Variants in ZNF704 observed in about 807,000 individuals in gnomAD.
ZNF704 encodes the protein zinc finger protein 704.
A neutral mutation model predicts 44.7 loss-of-function variants in ZNF704; 10 were observed. The ratio of observed to expected loss-of-function variants is 0.22; its 90% CI spans 0.14 to 0.38. ZNF704 has a LOEUF of 0.38. Among genes scored for constraint, ZNF704 ranks in the 10% least tolerant of loss-of-function variants. The pLI is 1.00. For missense variants in ZNF704, 390 were observed against 545.5 expected, an observed-to-expected ratio of 0.71 and a Z score of 2.84; for synonymous variants, 211 against 207.6, an observed-to-expected ratio of 1.02 and a Z score of -0.14.
intron 5 of ZNF704, among the ~76,000 whole-genome samples, chr8:80,667,445 G>A (rs546354082): frequency 3.9e-5 from 6 of 152,198 alleles, no homozygotes; most frequent in Non-Finnish European, 7.3e-5. Context: ...GGGCTGAGAC[G>A]TTAAGTCCTG....
intron 2 of ZNF704, among the ~76,000 whole-genome samples, chr8:80,722,708 CCT>C (rs1806393722): frequency 6.6e-6 from 1 of 152,160 alleles, no homozygotes; most frequent in African/African-American, 2.4e-5. Flanking sequence ...TTTTTAGACT[CCT>C]CAACTTCTAT....
chr8:80,816,156 T>G (rs574486658), intron 2 of ZNF704, among the ~76,000 whole-genome samples: 2 of 152,354 alleles, frequency 1.3e-5, no homozygotes, highest in East Asian at 3.9e-4. Flanking sequence ...ATTTCTTTCC[T>G]GTACTAATGT....
chr8:80,864,026 G>A (rs1804930161), intron 1 of ZNF704, among the ~76,000 whole-genome samples: 1 of 152,066 alleles, frequency 6.6e-6, no homozygotes, highest in South Asian at 2.1e-4. Context: ...GATTTATTGA[G>A]AAAGGTAGTG....
chr8:80,762,491 G>A (rs1807149530), intron 2 of ZNF704, among the ~76,000 whole-genome samples: 1 of 152,146 alleles, frequency 6.6e-6, no homozygotes, highest in Non-Finnish European at 1.5e-5. Flanking sequence ...CAGATCTCAT[G>A]AGAACCCACT....
rs561014178 is a variant in ZNF704, at chr8:80,824,444, T to C, written c.-21-2829A>G. On this transcript the variant is annotated intron_variant, in intron 1 of 8. Coordinates refer to ENST00000327835, the MANE Select transcript of ZNF704 (RefSeq NM_001033723.3). ...GGACTATGTGAAAAGACCAAATCTA[T>C]GTCTGACTGGTGTACCCGAAAATGA... Among the ~76,000 whole-genome samples, 18 of 152,308 alleles carry C rather than the reference T, an allele frequency of 1.2e-4. No homozygotes were observed. In the East Asian group the frequency reaches 3.1e-3, roughly 26 times the overall value.
At chr8:80,746,278 G>A (rs558807643) in intron 2 of ZNF704, among the ~76,000 whole-genome samples, 15 of 152,244 alleles carry the variant, frequency 9.9e-5, no homozygotes, top group African/African-American at 3.4e-4. Context: ...AATAAAAGGC[G>A]AAAGATTTAT....
rs146675786 is a variant in ZNF704, at chr8:80,792,493, G to A, written c.221+28881C>T. 1.9e-3 allele frequency among the ~76,000 whole-genome samples: 288 copies of A among 152,270 alleles called. 1 individual carries two copies. Among genetic ancestry groups the A allele is most frequent in the African/African-American group, 6.6e-3 (275 of 41,558 alleles). ...TATAATCCCTTCCCCTTGAGTGTGG[G>A]CTGGCCTAGTGACCTGCTTCTAGCA... On this transcript the variant is annotated intron_variant, in intron 2 of 8. Transcript: ENST00000327835.
intron 2 of ZNF704, among the ~76,000 whole-genome samples, chr8:80,797,377 C>T (rs1420824785): frequency 6.6e-6 from 1 of 152,142 alleles, no homozygotes; most frequent in African/African-American, 2.4e-5. Flanking sequence ...GTGGCTCCGC[C>T]CCTGCAAAAA....
chr8:80,754,387 CA>C (rs2131709671), intron 2 of ZNF704, among the ~76,000 whole-genome samples: 1 of 152,290 alleles, frequency 6.6e-6, no homozygotes, highest in African/African-American at 2.4e-5. Context: ...TGCAGCTTTG[CA>C]GCCATTTTCC....
chr8:80,763,845 C>T (rs769133348), intron 2 of ZNF704, among the ~76,000 whole-genome samples: 6 of 152,188 alleles, frequency 3.9e-5, no homozygotes, highest in Non-Finnish European at 7.3e-5. Context: ...TACCCTAAAT[C>T]ATCTCTCTCA....
At position 80,874,746 on chromosome 8, in the gene ZNF704, C is replaced by T. The variant is rs1261649363; in HGVS notation, c.-197G>A. The T allele has an allele frequency of 3.3e-5, 5 of 152,178 alleles. No homozygotes were observed. The highest frequency in any genetic ancestry group is 9.7e-5 in the African/African-American group (4 of 41,438). 9.4% of individuals were successfully genotyped at this position (152,178 alleles called of 1,614,324 possible). A position where few individuals can be genotyped will look rare whatever the true frequency, so the allele number is the denominator to read the frequency against. On this transcript the variant is annotated 5_prime_UTR_variant, in exon 1 of 9. Transcript: ENST00000327835. This position sits in a 1 kb window ranked among gnomAD's most constrained non-coding sequence, Gnocchi z 4.4. ...ATTTGCTACAAGTCATTTTAATGGACACTGATGTGCATGGCAGCTACTCCT... is the reference window on the plus strand; with the variant it reads ...ATTTGCTACAAGTCATTTTAATGGATACTGATGTGCATGGCAGCTACTCCT...
At chr8:80,811,940 G>C (rs562444816) in intron 2 of ZNF704, among the ~76,000 whole-genome samples, 10 of 152,100 alleles carry the variant, frequency 6.6e-5, no homozygotes, top group Admixed American at 6.5e-4. Context: ...TGTGAACTGC[G>C]CATGTGAGGT....
At chr8:80,821,177 C>T (rs1808263018) in intron 2 of ZNF704, among the ~76,000 whole-genome samples, 197 bp downstream of exon 2, 1 of 152,088 alleles carries the variant, frequency 6.6e-6, no homozygotes, top group Non-Finnish European at 1.5e-5. Flanking sequence ...ACAATAGTTC[C>T]AACTACAGCA....
intron 1 of ZNF704, among the ~76,000 whole-genome samples, chr8:80,866,815 T>G (rs906221368): frequency 1.3e-5 from 2 of 152,104 alleles, no homozygotes; most frequent in African/African-American, 4.8e-5. Flanking sequence ...CTGTGTTAGA[T>G]GGGGTATCAC....
At chr8:80,694,621 A>G (rs1818696880) in intron 2 of ZNF704, among the ~76,000 whole-genome samples, 1 of 152,232 alleles carries the variant, frequency 6.6e-6, no homozygotes, top group African/African-American at 2.4e-5. Flanking sequence ...CTGCTTCACA[A>G]AACAGTGGGA....
At chr8:80,810,743 T>C (rs546679090) in intron 2 of ZNF704, among the ~76,000 whole-genome samples, 1 of 152,362 alleles carries the variant, frequency 6.6e-6, no homozygotes, top group Non-Finnish European at 1.5e-5. Flanking sequence ...ATTATAATTG[T>C]ACTAAACATC....
intron 7 of ZNF704, chr8:80,645,078 A>C: frequency 6.6e-7 from 1 of 1,523,606 alleles, no homozygotes; most frequent in Admixed American, 1.7e-5. Context: ...GGTTTTAGGG[A>C]CCAGCTTGGC....
chr8:80,671,891 T>A (rs1818286732), intron 4 of ZNF704, among the ~76,000 whole-genome samples: 2 of 152,150 alleles, frequency 1.3e-5, no homozygotes, highest in South Asian at 4.2e-4. Context: ...GACACAAAGG[T>A]CTTAGGGTAT....
intron 2 of ZNF704, among the ~76,000 whole-genome samples, chr8:80,703,930 G>A (rs1253070215): frequency 6.6e-6 from 1 of 152,182 alleles, no homozygotes; most frequent in Non-Finnish European, 1.5e-5. Flanking sequence ...GTCAGACCTG[G>A]TGACTTATTT....
Sources: allele counts gnomAD v4.1 joint callset (sites outside exome capture counted in the v4.1 genomes callset), GRCh38; gene constraint gnomAD v4.1.1; non-coding constraint Gnocchi (gnomAD v3.1); transcripts MANE v1.5; gene names NCBI Gene and HGNC (gene_info 2026-07-23, HGNC 2026-07-21).